The following NRXN1 variants were observed in gnomAD, a reference collection of about 807,000 sequenced individuals.
NRXN1 encodes the protein neurexin 1.
Under a neutral mutation model 150.9 loss-of-function variants are expected in NRXN1, and 39 were observed. That is an observed-to-expected ratio of 0.26 (90% CI 0.20 to 0.34). NRXN1 has a LOEUF of 0.34. Among genes scored for constraint, NRXN1 ranks in the 10% least tolerant of loss-of-function variants. The probability of loss-of-function intolerance (pLI) is 1.00; values close to 1 mark genes in which losing one functional copy is unlikely to be tolerated. For synonymous variants in NRXN1, 924 were observed against 757.0 expected, an observed-to-expected ratio of 1.22 and a Z score of -3.62; for missense variants, 1,815 against 1,949.9, an observed-to-expected ratio of 0.93 and a Z score of 1.30.
rs577618119 is a variant in NRXN1, at chr2:50,073,041, T to C, written c.3719-17997A>G. ...AAACTTTGTCTATGCCTTTGTCTTCTGCTCTCTTTTGATGTTCCTGGAGCC... is the reference window on the plus strand; with the variant it reads ...AAACTTTGTCTATGCCTTTGTCTTCCGCTCTCTTTTGATGTTCCTGGAGCC... On this transcript the variant is annotated intron_variant, in intron 19 of 22. Transcript: ENST00000401669. Among the ~76,000 whole-genome samples, 7 of 152,330 alleles carry C rather than the reference T, an allele frequency of 4.6e-5. No individual in the cohort carries two copies. The South Asian group carries it at 1.4e-3, about 32-fold the overall frequency.
At chr2:50,765,063 A>C (rs1052104244) in intron 5 of NRXN1, among the ~76,000 whole-genome samples, 2 of 151,996 alleles carry the variant, frequency 1.3e-5, no homozygotes, top group Non-Finnish European at 2.9e-5. Flanking sequence ...TGTAAGGAAA[A>C]CCAGATATCA....
chr2:50,048,550 A>T (rs3909275), intron 21 of NRXN1, among the ~76,000 whole-genome samples: 97,757 of 151,972 alleles, frequency 0.64, 31,768 homozygotes, highest in African/African-American at 0.69. Flanking sequence ...CATTTTTCAA[A>T]CAAATAATAT....
chr2:50,446,481 C>T (rs2086414758), intron 17 of NRXN1, among the ~76,000 whole-genome samples: 1 of 139,552 alleles, frequency 7.2e-6, no homozygotes. Flanking sequence ...CCCTTCCTGC[C>T]TCCCTTCCTT....
intron 17 of NRXN1, among the ~76,000 whole-genome samples, chr2:50,316,019 G>A (rs185357743): frequency 6.6e-6 from 1 of 152,092 alleles, no homozygotes; most frequent in Non-Finnish European, 1.5e-5. Context: ...AGATGAAGGA[G>A]TTGGTAGTAT....
Position 50,075,746 on chromosome 2 carries a change from T to TTA in NRXN1, c.3718+15575_3718+15576dup, listed in dbSNP as rs1696987598. 2.0e-5 allele frequency among the ~76,000 whole-genome samples: 3 copies of TTA among 152,174 alleles called. No individual in the cohort carries two copies. In the South Asian group the frequency reaches 6.2e-4, roughly 32 times the overall value. On this transcript the variant is annotated intron_variant, in intron 19 of 22. Coordinates refer to ENST00000401669, the MANE Select transcript of NRXN1 (RefSeq NM_001330078.2). ...TAAAAAAGAAAACTTTCCTGGATTGTTATAGCTTAAGCAAAAGGCTTGGGC... is the reference window on the plus strand; with the variant it reads ...TAAAAAAGAAAACTTTCCTGGATTGTTATATAGCTTAAGCAAAAGGCTTGGGC...
intron 18 of NRXN1, among the ~76,000 whole-genome samples, chr2:50,130,783 A>G (rs749787949): frequency 6.6e-6 from 1 of 152,208 alleles, no homozygotes; most frequent in Non-Finnish European, 1.5e-5. Context: ...AAGTTCATTT[A>G]TCATCTGCTG....
intron 2 of NRXN1, among the ~76,000 whole-genome samples, chr2:51,020,749 T>C (rs1669477666): frequency 6.6e-6 from 1 of 151,984 alleles, no homozygotes; most frequent in Non-Finnish European, 1.5e-5. Flanking sequence ...ACTTTTAACA[T>C]ATATTAAGAT....
At chr2:50,088,850 T>G in intron 19 of NRXN1, among the ~76,000 whole-genome samples, 1 of 152,180 alleles carries the variant, frequency 6.6e-6, no homozygotes, top group East Asian at 1.9e-4. Flanking sequence ...GAACCATATC[T>G]TTTTTGAACT....
intron 19 of NRXN1, among the ~76,000 whole-genome samples, chr2:50,071,050 C>G (rs2152667730): frequency 6.6e-6 from 1 of 152,276 alleles, no homozygotes; most frequent in African/African-American, 2.4e-5. Flanking sequence ...AGCTGATGCT[C>G]CATTACTAAG....
chr2:50,192,669 C>T (rs572165841), intron 18 of NRXN1, among the ~76,000 whole-genome samples: 2 of 152,190 alleles, frequency 1.3e-5, no homozygotes, highest in African/African-American at 4.8e-5. Context: ...TGTAGTGGTG[C>T]AATCTCTGCT....
intron 18 of NRXN1, among the ~76,000 whole-genome samples, chr2:50,157,680 A>C (rs2059108262): frequency 6.6e-6 from 1 of 152,096 alleles, no homozygotes; most frequent in African/African-American, 2.4e-5. Flanking sequence ...GTTGTCCAGC[A>C]GCAGAAATGG....
chr2:51,006,557 A>T (rs993753487), intron 2 of NRXN1, among the ~76,000 whole-genome samples: 2 of 105,802 alleles, frequency 1.9e-5, no homozygotes, highest in South Asian at 3.0e-4. Flanking sequence ...ATAAAATTTA[A>T]AAAAAAAGAC....
intron 17 of NRXN1, among the ~76,000 whole-genome samples, chr2:50,331,345 A>T (rs961665275): frequency 1.3e-5 from 2 of 152,174 alleles, no homozygotes; most frequent in Non-Finnish European, 2.9e-5. Context: ...TTTTCAAAGG[A>T]TATTGAGAAT....
At chr2:50,422,383 C>T (rs2084069032) in intron 17 of NRXN1, among the ~76,000 whole-genome samples, 1 of 152,040 alleles carries the variant, frequency 6.6e-6, no homozygotes, top group South Asian at 2.1e-4. Flanking sequence ...TGATTATTTT[C>T]CCAGAGAAAG....
chr2:50,567,216 C>T (rs1271703392), intron 8 of NRXN1, among the ~76,000 whole-genome samples: 1 of 152,070 alleles, frequency 6.6e-6, no homozygotes, highest in Non-Finnish European at 1.5e-5. Flanking sequence ...TCTAAGTTGC[C>T]TTGTAACTGG....
intron 2 of NRXN1, among the ~76,000 whole-genome samples, chr2:50,940,752 G>C (rs145564051): frequency 1.3e-3 from 205 of 152,116 alleles, no homozygotes; most frequent in African/African-American, 3.9e-3. Flanking sequence ...GTTTTGTTTT[G>C]TTTTGCTAAT....
intron 2 of NRXN1, among the ~76,000 whole-genome samples, chr2:50,970,292 C>A (rs1694802316): frequency 6.6e-6 from 1 of 151,984 alleles, no homozygotes; most frequent in Admixed American, 6.6e-5. Flanking sequence ...GAAAAGAGGG[C>A]AGGAGGTCAG....
intron 21 of NRXN1, among the ~76,000 whole-genome samples, chr2:50,011,397 A>T (rs1299784913): frequency 6.6e-6 from 1 of 152,190 alleles, no homozygotes; most frequent in African/African-American, 2.4e-5. Context: ...AAACATGTTC[A>T]GAGAATAACA....
intron 19 of NRXN1, among the ~76,000 whole-genome samples, chr2:50,080,319 T>G (rs1410959536): frequency 6.6e-6 from 1 of 152,162 alleles, no homozygotes; most frequent in Admixed American, 6.5e-5. Flanking sequence ...CATGTCTAAT[T>G]TATACATTAA....
Sources: allele counts gnomAD v4.1 joint callset (sites outside exome capture counted in the v4.1 genomes callset), GRCh38; gene constraint gnomAD v4.1.1; transcripts MANE v1.5; gene names NCBI Gene and HGNC (gene_info 2026-07-23, HGNC 2026-07-21).